SLAIN2: variants seen among roughly 807,000 people sequenced by gnomAD.
SLAIN2 encodes SLAIN motif-containing protein 2.
SLAIN2 carries 31 observed loss-of-function variants against 56.6 expected under a neutral mutation model. That is an observed-to-expected ratio of 0.55 (90% CI 0.41 to 0.74). The LOEUF (loss-of-function observed/expected upper bound fraction) is 0.74, where lower values mean the gene tolerates loss of function less well. Ranked by LOEUF, SLAIN2 falls within the 30% of genes least tolerant of loss-of-function variation. The pLI is 0.00. For synonymous variants in SLAIN2, 317 were observed against 284.9 expected, an observed-to-expected ratio of 1.11 and a Z score of -1.13; for missense variants, 777 against 754.2, an observed-to-expected ratio of 1.03 and a Z score of -0.35.
intron 6 of SLAIN2, among the ~76,000 whole-genome samples, chr4:48,386,252 A>G (rs575273661): frequency 3.3e-5 from 5 of 152,214 alleles, no homozygotes; most frequent in African/African-American, 1.2e-4. Context: ...TTTAATCCTT[A>G]GAACAATTCT....
rs1717283559 is a variant in SLAIN2 at position 48,425,795 on chromosome 4, T to TC, written c.*3718_*3719insC. The TC allele has an allele frequency of 6.6e-6, 1 of 152,268 alleles. No homozygotes were observed. The highest frequency in any genetic ancestry group is 2.4e-5 in the African/African-American group (1 of 41,572). The allele number at this position is 152,268 out of a possible 1,614,324, so 9.4% of individuals were successfully genotyped here. On this transcript the variant is annotated 3_prime_UTR_variant, in exon 8 of 8. Transcript: ENST00000264313. The stretch of plus-strand genomic sequence containing the variant: ...GATGTATTTTGAATGATCCTAAATA[T>TC]AAGTCTTGGGTGGCTAAATGGCCCT...
chr4:48,387,875 TATA>T (rs1176547569), intron 6 of SLAIN2, among the ~76,000 whole-genome samples: 2 of 152,144 alleles, frequency 1.3e-5, no homozygotes, highest in Admixed American at 6.5e-5. Flanking sequence ...GTACAATTAT[TATA>T]ATAAGCTTTA....
intron 6 of SLAIN2, among the ~76,000 whole-genome samples, chr4:48,419,055 T>C (rs1717075935): frequency 6.6e-6 from 1 of 152,194 alleles, no homozygotes; most frequent in Admixed American, 6.5e-5. Context: ...AGTCTTTGGC[T>C]GTTACAAAGT....
chr4:48,342,744 G>A (rs1051049214), intron 1 of SLAIN2, among the ~76,000 whole-genome samples: 3 of 61,822 alleles, frequency 4.9e-5, no homozygotes. Flanking sequence ...TTGTTACTCT[G>A]TGTGAAGAGT....
chr4:48,418,361 T>A (rs1717055382), intron 6 of SLAIN2, among the ~76,000 whole-genome samples: 1 of 152,158 alleles, frequency 6.6e-6, no homozygotes, highest in East Asian at 1.9e-4. Context: ...GAGAACTTTT[T>A]TCATGACTGT....
chr4:48,395,417 C>T (rs965953366), intron 6 of SLAIN2, among the ~76,000 whole-genome samples: 3 of 147,414 alleles, frequency 2.0e-5, no homozygotes, highest in African/African-American at 5.0e-5. Context: ...AAGAAAATTA[C>T]GCAGGAAGAA....
intron 6 of SLAIN2, among the ~76,000 whole-genome samples, chr4:48,399,763 T>G (rs1327898282): frequency 6.6e-6 from 1 of 152,202 alleles, no homozygotes; most frequent in African/African-American, 2.4e-5. Flanking sequence ...GAGATAATCA[T>G]GTGGTTTTTG....
At chr4:48,373,898 TGTG>T (rs1715733975) in intron 2 of SLAIN2, among the ~76,000 whole-genome samples, 1 of 151,768 alleles carries the variant, frequency 6.6e-6, no homozygotes, top group South Asian at 2.1e-4. Flanking sequence ...AAATTAATGG[TGTG>T]GTGGCACATG....
intron 1 of SLAIN2, among the ~76,000 whole-genome samples, chr4:48,361,418 A>C (rs912491787): frequency 3.3e-5 from 5 of 152,216 alleles, no homozygotes; most frequent in African/African-American, 4.8e-5. Flanking sequence ...GAAGAACTAC[A>C]ACAGTTAAAT....
chr4:48,377,858 A>G, intron 2 of SLAIN2, 38 bp from the exon 3 acceptor site: 1 of 1,575,024 alleles, frequency 6.3e-7, no homozygotes, highest in Admixed American at 1.9e-5. Context: ...ACTTTTTCTC[A>G]GTTGTTAAAT....
rs569802524 is a variant in SLAIN2, at chr4:48,368,682, G to T, written c.390-1167G>T. On this transcript the variant is annotated intron_variant, in intron 1 of 7. Transcript: ENST00000264313. ...AATTGGAAAGAGAATGAACCCCATTGATTTCATTTTGAATTGATAGTTATT... is the reference window on the plus strand; with the variant it reads ...AATTGGAAAGAGAATGAACCCCATTTATTTCATTTTGAATTGATAGTTATT... 4.6e-5 allele frequency among the ~76,000 whole-genome samples: 7 copies of T among 152,210 alleles called. No homozygotes were observed. In the South Asian group the frequency reaches 1.5e-3, roughly 32 times the overall value.
chr4:48,347,982 G>A (rs983639552), intron 1 of SLAIN2, among the ~76,000 whole-genome samples: 3 of 152,166 alleles, frequency 2.0e-5, no homozygotes, highest in African/African-American at 4.8e-5. Context: ...ACCCAAAGTC[G>A]CATAGCTAAT....
intron 6 of SLAIN2, among the ~76,000 whole-genome samples, chr4:48,398,479 T>C (rs1476387591): frequency 1.3e-5 from 2 of 152,256 alleles, no homozygotes; most frequent in African/African-American, 4.8e-5. Flanking sequence ...TCTTTTGCTG[T>C]GCAGAAGCTT....
intron 5 of SLAIN2, among the ~76,000 whole-genome samples, chr4:48,383,168 CAAAA>C (rs34436951): frequency 3.5e-4 from 33 of 95,550 alleles, no homozygotes; most frequent in Middle Eastern, 7.6e-3. Context: ...ATCCTGTTTT[CAAAA>C]AAAAAAAAAA....
At chr4:48,369,244 C>T (rs544609607) in intron 1 of SLAIN2, among the ~76,000 whole-genome samples, 36 of 152,290 alleles carry the variant, frequency 2.4e-4, no homozygotes, top group South Asian at 4.1e-4. Flanking sequence ...TTCTGCTCAA[C>T]TTTTCCTTTC....
chr4:48,351,068 C>T (rs1714997738), intron 1 of SLAIN2, among the ~76,000 whole-genome samples: 1 of 152,218 alleles, frequency 6.6e-6, no homozygotes, highest in Non-Finnish European at 1.5e-5. Flanking sequence ...ACACATCCCT[C>T]TCCTACTCCA....
chr4:48,420,394 G>T lies in SLAIN2; in HGVS notation c.1630G>T (p.Ala544Ser), dbSNP rs542233345. 6.2e-7 allele frequency: 1 copy of T among 1,614,010 alleles called. No homozygotes were observed. The highest frequency in any genetic ancestry group is 8.5e-7 in the Non-Finnish European group (1 of 1,179,866). ...CTTGCCCAGACCCAGTGCCCCTTCT[G>T]CTGGGGGCATACCAGTGCCTCGCAG... The part of the protein sequence containing the change: ...SGLPRPSAPS[A>S]GGIPVPRSKL... Residue 544 changes from alanine (A) to serine (S), a missense_variant, in exon 7 of 8, where the codon GCT (alanine) becomes TCT (serine). Transcript: ENST00000264313.
chr4:48,342,700 G>A (rs1714749827), intron 1 of SLAIN2, among the ~76,000 whole-genome samples: 1 of 141,282 alleles, frequency 7.1e-6, no homozygotes, highest in Admixed American at 7.2e-5. Flanking sequence ...AGAGGGCAGA[G>A]GATGGTGCTG....
chr4:48,420,032 T>C, intron 6 of SLAIN2, 93 bp from the exon 7 acceptor site: 1 of 1,241,318 alleles, frequency 8.1e-7, no homozygotes, highest in Non-Finnish European at 1.1e-6. Context: ...AATACACATG[T>C]ACTAGTGCCC....
Sources: gnomAD v4.1 joint callset for allele counts (sites outside exome capture counted in the v4.1 genomes callset) on GRCh38, gnomAD v4.1.1 for gene constraint, MANE v1.5 for transcripts, NCBI Gene and HGNC (gene_info 2026-07-23, HGNC 2026-07-21) for gene names.